The following KCNK10 variants were observed in gnomAD, a reference collection of about 807,000 sequenced individuals.
KCNK10 encodes the protein potassium channel subfamily K member 10.
In KCNK10, 25 loss-of-function variants were observed where a neutral mutation model predicts 47.7. The observed-to-expected ratio is 0.52, with a 90% confidence interval of 0.38 to 0.73. The LOEUF (loss-of-function observed/expected upper bound fraction) is 0.73, where lower values mean the gene tolerates loss of function less well. Among genes scored for constraint, KCNK10 ranks in the 30% least tolerant of loss-of-function variants. The pLI is 0.00. For missense variants in KCNK10, 563 were observed against 714.5 expected, an observed-to-expected ratio of 0.79 and a Z score of 2.42; for synonymous variants, 303 against 285.6, an observed-to-expected ratio of 1.06 and a Z score of -0.61.
intron 1 of KCNK10, among the ~76,000 whole-genome samples, chr14:88,298,848 C>T (rs1485373822): frequency 6.6e-6 from 1 of 152,192 alleles, no homozygotes; most frequent in African/African-American, 2.4e-5. Context: ...TTTCCACCTT[C>T]ATGCCCCCAA....
At chr14:88,222,766 G>T (rs1371045228) in intron 4 of KCNK10, among the ~76,000 whole-genome samples, 1 of 152,146 alleles carries the variant, frequency 6.6e-6, no homozygotes, top group African/African-American at 2.4e-5. Flanking sequence ...ATGAGGTTGG[G>T]TGAAAACGTG....
intron 4 of KCNK10, among the ~76,000 whole-genome samples, chr14:88,213,229 C>T (rs1566687651): frequency 6.6e-6 from 1 of 151,878 alleles, no homozygotes; most frequent in Non-Finnish European, 1.5e-5. Context: ...AGAAGCTACA[C>T]CAAAGTAGGT....
At chr14:88,249,052 G>C (rs1886722350) in intron 2 of KCNK10, among the ~76,000 whole-genome samples, 2 of 152,034 alleles carry the variant, frequency 1.3e-5, no homozygotes, top group South Asian at 4.1e-4. Context: ...ATAGTTCTCT[G>C]TTCACCTTCT....
At chr14:88,270,510 C>T (rs8016512) in intron 1 of KCNK10, among the ~76,000 whole-genome samples, 20,986 of 152,122 alleles carry the variant, frequency 0.14, 4,107 homozygotes, top group African/African-American at 0.44. Context: ...AAACGCCACC[C>T]GAGGCTCTCC....
At position 88,181,686 on chromosome 14, in the gene KCNK10, A is replaced by G. The variant is rs1001424875; in HGVS notation, c.*3849T>C. On this transcript the variant is annotated 3_prime_UTR_variant, in exon 7 of 7. Transcript: ENST00000319231. ...AGTCTCCCAAGTACATCTGGTCTCC[A>G]TTAATCCCCCAAAAGACAAATCCCA... 6.6e-6 allele frequency: 1 copy of G among 152,340 alleles called. No individual in the cohort carries two copies. The highest frequency in any genetic ancestry group is 2.4e-5 in the African/African-American group (1 of 41,436). The allele number at this position is 152,340 out of a possible 1,614,324, so 9.4% of individuals were successfully genotyped here.
rs1288163804 is a variant in KCNK10, at chr14:88,186,901, G to A, written c.1012-746C>T. Among the ~76,000 whole-genome samples, 2 of 152,230 alleles carry A rather than the reference G, an allele frequency of 1.3e-5. No individual in the cohort carries two copies. The highest frequency in any genetic ancestry group is 6.5e-5 in the Admixed American group (1 of 15,282). On this transcript the variant is annotated intron_variant, in intron 6 of 6. Coordinates refer to ENST00000319231, the MANE Select transcript of KCNK10 (RefSeq NM_138317.3). This position sits in a 1 kb window ranked among gnomAD's most constrained non-coding sequence, Gnocchi z 5.5. ...CCCACAGAACAGGCCTCCTTAGAGT[G>A]GAGTTTTGCCTGAGGATCAGCACCA...
intron 1 of KCNK10, among the ~76,000 whole-genome samples, chr14:88,300,842 A>C (rs1888075540): frequency 8.0e-6 from 1 of 124,446 alleles, no homozygotes; most frequent in African/African-American, 2.5e-5. Context: ...ACTGAAAATT[A>C]GTTTTATTTA....
At chr14:88,317,171 T>C (rs1266654578) in intron 1 of KCNK10, among the ~76,000 whole-genome samples, 1 of 152,188 alleles carries the variant, frequency 6.6e-6, no homozygotes. Context: ...TTTTGGCACA[T>C]TTTAAATCCC....
chr14:88,220,416 C>CAAAAAAAAAAAAAAA (rs58562095), intron 4 of KCNK10, among the ~76,000 whole-genome samples: 3 of 30,160 alleles, frequency 9.9e-5, no homozygotes, highest in African/African-American at 3.0e-4. Context: ...GACTCCGTCT[C>CAAAAAAAAAAAAAAA]AAAAAAAAAA....
Position 88,192,221 on chromosome 14 carries a change from T to C in KCNK10, c.868+3A>G. ...CAGTGCCTGGCCTGCCCAGGGTGCT[T>C]ACCTGCCACAAAATCACCAAAGCCC... On this transcript the variant is annotated splice_donor_region_variant and intron_variant, in intron 5 of 6. Coordinates refer to ENST00000319231, the MANE Select transcript of KCNK10 (RefSeq NM_138317.3). 1 of 1,611,580 alleles carries C rather than the reference T, an allele frequency of 6.2e-7. No individual in the cohort carries two copies. Among genetic ancestry groups the C allele is most frequent in the South Asian group, 1.1e-5 (1 of 90,706 alleles).
At chr14:88,253,951 G>C (rs1358526289) in intron 2 of KCNK10, among the ~76,000 whole-genome samples, 1 of 152,142 alleles carries the variant, frequency 6.6e-6, no homozygotes, top group Admixed American at 6.6e-5. Flanking sequence ...CAATGGTAAA[G>C]TTTCTGTTCA....
chr14:88,187,873 A>G, intron 6 of KCNK10, 94 bp downstream of exon 6: 2 of 1,307,032 alleles, frequency 1.5e-6, no homozygotes, highest in South Asian at 2.6e-5. Context: ...AAACCGAGCC[A>G]GAAACACTCC....
rs143704017 is a variant in KCNK10 at position 88,194,804 on chromosome 14, T to C, written c.682-2394A>G. Among the ~76,000 whole-genome samples, 956 of 152,252 alleles carry C rather than the reference T, an allele frequency of 6.3e-3. 8 individuals carry two copies. The highest frequency in any genetic ancestry group is 0.022 in the African/African-American group (916 of 41,530). On this transcript the variant is annotated intron_variant, in intron 4 of 6. Transcript: ENST00000319231. Reference sequence around the variant, plus strand: ...AACAAGTGTGTTCCTGGGCTGCTTCTCCTAGACATCCAAGGGTCACACTCA... The same window carrying C: ...AACAAGTGTGTTCCTGGGCTGCTTCCCCTAGACATCCAAGGGTCACACTCA...
At chr14:88,232,310 T>C (rs891171764) in intron 3 of KCNK10, among the ~76,000 whole-genome samples, 1 of 152,200 alleles carries the variant, frequency 6.6e-6, no homozygotes, top group Non-Finnish European at 1.5e-5. Flanking sequence ...AACAGGCCAA[T>C]ATTTGTGTAT....
At position 88,273,510 on chromosome 14, in the gene KCNK10, C is replaced by T. The variant is rs980694944; in HGVS notation, c.53-9959G>A. On this transcript the variant is annotated intron_variant, in intron 1 of 6. Coordinates refer to ENST00000319231, the MANE Select transcript of KCNK10 (RefSeq NM_138317.3). ...AGCAGGTGGGATGCCTTTATTGTTCCGATAAAATAAACTCTCACCCTCCGA... is the reference window on the plus strand; with the variant it reads ...AGCAGGTGGGATGCCTTTATTGTTCTGATAAAATAAACTCTCACCCTCCGA... Among the ~76,000 whole-genome samples the T allele has an allele frequency of 7.2e-5, 11 of 152,258 alleles. 1 individual carries two copies. Among genetic ancestry groups the T allele is most frequent in the Middle Eastern group, 3.4e-3 (1 of 294 alleles).
chr14:88,217,541 T>C (rs1885661389), intron 4 of KCNK10, among the ~76,000 whole-genome samples: 1 of 152,206 alleles, frequency 6.6e-6, no homozygotes, highest in African/African-American at 2.4e-5. Flanking sequence ...ATAATAATTT[T>C]TATTTTTTTA....
rs1888289406 is a variant in KCNK10 at position 88,310,188 on chromosome 14, CATATCATATGGT to C, written c.52+12547_52+12558del. The stretch of plus-strand genomic sequence containing the variant: ...CCATATCATATGGTATATGATATAC[CATATCATATGGT>C]ATATGATATACCATATCATATGGTA... On this transcript the variant is annotated intron_variant, in intron 1 of 6. Coordinates refer to ENST00000319231, the MANE Select transcript of KCNK10 (RefSeq NM_138317.3). Among the ~76,000 whole-genome samples the C allele has an allele frequency of 1.6e-5, 2 of 122,574 alleles. 1 individual carries two copies. The highest frequency in any genetic ancestry group is 1.5e-4 in the Admixed American group (2 of 13,068). 80.4% of individuals were successfully genotyped at this position (122,574 alleles called of 152,430 possible). A position where few individuals can be genotyped will look rare whatever the true frequency, so the allele number is the denominator to read the frequency against.
intron 2 of KCNK10, among the ~76,000 whole-genome samples, chr14:88,249,953 T>C (rs1566702107): frequency 6.6e-6 from 1 of 152,240 alleles, no homozygotes; most frequent in East Asian, 1.9e-4. Flanking sequence ...ATACATTGTA[T>C]TGTGATAAGT....
At position 88,244,760 on chromosome 14, in the gene KCNK10, G is replaced by A. The variant is rs578012056; in HGVS notation, c.403-3940C>T. On this transcript the variant is annotated intron_variant, in intron 2 of 6. Coordinates refer to ENST00000319231, the MANE Select transcript of KCNK10 (RefSeq NM_138317.3). ...GTATGAGCACACAGATGATGAAATG[G>A]CACAACTGAGCTCGGAACAGTTTAG... Among the ~76,000 whole-genome samples, 15 of 152,274 alleles carry A rather than the reference G, an allele frequency of 9.9e-5. No individual in the cohort carries two copies. In the South Asian group the frequency reaches 2.9e-3, roughly 29 times the overall value.
Sources: gnomAD v4.1 joint callset for allele counts (sites outside exome capture counted in the v4.1 genomes callset) on GRCh38, gnomAD v4.1.1 for gene constraint, Gnocchi (gnomAD v3.1) non-coding constraint, MANE v1.5 for transcripts, NCBI Gene and HGNC (gene_info 2026-07-23, HGNC 2026-07-21) for gene names.